The following USP34 variants were observed in gnomAD, a reference collection of about 807,000 sequenced individuals.
The protein encoded by USP34 is ubiquitin carboxyl-terminal hydrolase 34.
USP34 carries 70 observed loss-of-function variants against 460.3 expected under a neutral mutation model. That is an observed-to-expected ratio of 0.15 (90% CI 0.13 to 0.19). USP34 has a LOEUF of 0.19. Ranked by LOEUF, USP34 falls within the 10% of genes least tolerant of loss-of-function variation. The pLI is 1.00. For missense variants in USP34, 3,985 were observed against 4,236.2 expected (o/e 0.94, Z 1.65); for synonymous variants, 1,647 against 1,405.3 (o/e 1.17, Z -3.85).
chr2:61,305,048 G>A (rs761611346), intron 27 of USP34, among the ~76,000 whole-genome samples: 12 of 152,020 alleles, frequency 7.9e-5, no homozygotes, highest in Admixed American at 1.3e-4. Context: ...GACGTAGGAC[G>A]GGTGTGGTGG....
At chr2:61,347,742 T>G in intron 15 of USP34, 128 bp downstream of exon 15, 2 of 1,458,620 alleles carry the variant, frequency 1.4e-6, no homozygotes, top group Non-Finnish European at 1.8e-6. Context: ...ATTTGTAGCT[T>G]ACATTTATAG....
chr2:61,213,177 A>G (rs1687315622), intron 68 of USP34, among the ~76,000 whole-genome samples: 1 of 151,952 alleles, frequency 6.6e-6, no homozygotes, highest in South Asian at 2.1e-4. Flanking sequence ...CACTACTCCC[A>G]GCTAATTTTG....
chr2:61,373,714 C>T (rs1161208650), intron 8 of USP34, among the ~76,000 whole-genome samples: 1 of 152,186 alleles, frequency 6.6e-6, no homozygotes, highest in Non-Finnish European at 1.5e-5. Flanking sequence ...TAGTTATATT[C>T]TACAGAGTCA....
chr2:61,400,293 TAG>T (rs1462457508), intron 3 of USP34, among the ~76,000 whole-genome samples: 5 of 152,168 alleles, frequency 3.3e-5, no homozygotes, highest in Non-Finnish European at 5.9e-5. Flanking sequence ...CTATTTTTAG[TAG>T]AGACAGGGTT....
chr2:61,324,053 A>G (rs1467692226), intron 21 of USP34, among the ~76,000 whole-genome samples: 4 of 152,242 alleles, frequency 2.6e-5, no homozygotes, highest in Non-Finnish European at 5.9e-5. Context: ...ACTCCTAGCA[A>G]GACAGCCATC....
rs564967256 is a variant in USP34 at position 61,204,434 on chromosome 2, C to T, written c.9260-54G>A. On this transcript the variant is annotated intron_variant, in intron 73 of 79. Coordinates refer to ENST00000398571, the MANE Select transcript of USP34 (RefSeq NM_014709.4). ...TAAATGGAAAAAATAAATCTCCATG[C>T]TTCAGTGTGCAGAACGATTAAATGC... The T allele has an allele frequency of 9.9e-6, 16 of 1,613,150 alleles. No homozygotes were observed. In the Admixed American group the frequency reaches 1.2e-4, roughly 12 times the overall value.
At position 61,187,522 on chromosome 2, in the gene USP34, A is replaced by G; in HGVS notation, c.*580T>C. On this transcript the variant is annotated 3_prime_UTR_variant, in exon 80 of 80. Transcript: ENST00000398571. ...CAGAATAGCAATCAATCAATCAGTC[A>G]TGTCAATAAAAATAAAACAATTATT... 5.2e-6 allele frequency: 5 copies of G among 959,440 alleles called. No homozygotes were observed. Among genetic ancestry groups the G allele is most frequent in the Non-Finnish European group, 6.2e-6 (5 of 806,398 alleles). 59.4% of individuals were successfully genotyped at this position (959,440 alleles called of 1,614,324 possible).
At chr2:61,340,547 T>C (rs1050069044) in intron 16 of USP34, among the ~76,000 whole-genome samples, 1 of 152,218 alleles carries the variant, frequency 6.6e-6, no homozygotes, top group African/African-American at 2.4e-5. Flanking sequence ...AGTCCCTTTC[T>C]TCCATATTCT....
At chr2:61,203,430 A>G (rs1035182163) in intron 74 of USP34, among the ~76,000 whole-genome samples, 167 bp from the exon 75 acceptor site, 1 of 152,128 alleles carries the variant, frequency 6.6e-6, no homozygotes, top group Non-Finnish European at 1.5e-5. Flanking sequence ...TAATTGTCGT[A>G]AGTTTATTTT....
chr2:61,249,352 T>C (rs542339717), intron 48 of USP34, among the ~76,000 whole-genome samples: 2 of 152,356 alleles, frequency 1.3e-5, no homozygotes, highest in Admixed American at 6.5e-5. Flanking sequence ...AAGTAGTGTA[T>C]ACACCATGGA....
At chr2:61,261,980 A>G (rs1399460143) in intron 43 of USP34, among the ~76,000 whole-genome samples, 2 of 150,008 alleles carry the variant, frequency 1.3e-5, no homozygotes, top group African/African-American at 2.4e-5. Flanking sequence ...AATCCCAGCT[A>G]TTCGGGAGGC....
intron 32 of USP34, 29 bp from the exon 33 acceptor site, chr2:61,293,579 G>C (rs768188162): frequency 2.3e-5 from 35 of 1,545,190 alleles, no homozygotes; most frequent in Non-Finnish European, 3.0e-5. Flanking sequence ...GTAATAGTAA[G>C]AGAAAAGCAG....
chr2:61,437,207 T>C (rs982935153), intron 1 of USP34, among the ~76,000 whole-genome samples: 3 of 151,606 alleles, frequency 2.0e-5, no homozygotes, highest in African/African-American at 7.3e-5. Flanking sequence ...AAATTGAGAC[T>C]AAAACAAATT....
At chr2:61,257,422 A>C in intron 44 of USP34, 72 bp from the exon 45 acceptor site, 1 of 1,263,438 alleles carries the variant, frequency 7.9e-7, no homozygotes, top group Non-Finnish European at 1.1e-6. Flanking sequence ...CAATGAACAT[A>C]TAACAAAAAC....
At chr2:61,284,116 T>C (rs1271530774) in intron 35 of USP34, among the ~76,000 whole-genome samples, 1 of 152,120 alleles carries the variant, frequency 6.6e-6, no homozygotes, top group Non-Finnish European at 1.5e-5. Flanking sequence ...AAATACGAAA[T>C]GACTTCAGAT....
chr2:61,449,177 A>T (rs923392742), intron 1 of USP34, among the ~76,000 whole-genome samples: 1 of 151,130 alleles, frequency 6.6e-6, no homozygotes, highest in Non-Finnish European at 1.5e-5. Context: ...GACAGGAGGG[A>T]CAAGAGGAGC....
intron 10 of USP34, among the ~76,000 whole-genome samples, chr2:61,351,638 A>G (rs79400274): frequency 0.015 from 2,263 of 152,274 alleles, 79 homozygotes; most frequent in Admixed American, 0.077. Context: ...ACTGATTTTT[A>G]TATTTTGTAG....
At chr2:61,380,122 C>G in intron 7 of USP34, 47 bp downstream of exon 7, 1 of 1,553,672 alleles carries the variant, frequency 6.4e-7, no homozygotes, top group Non-Finnish European at 8.8e-7. Flanking sequence ...TATGATAGAC[C>G]AGAAAACAAA....
intron 44 of USP34, 89 bp from the exon 45 acceptor site, chr2:61,257,439 A>C: frequency 2.8e-6 from 3 of 1,062,876 alleles, no homozygotes; most frequent in Non-Finnish European, 3.8e-6. Context: ...AAACAAAAGA[A>C]CAGGTAGTAA....
Sources: allele counts gnomAD v4.1 joint callset (sites outside exome capture counted in the v4.1 genomes callset), GRCh38; gene constraint gnomAD v4.1.1; transcripts MANE v1.5; gene names NCBI Gene and HGNC (gene_info 2026-07-23, HGNC 2026-07-21).